The following STIMATE variants were observed in gnomAD, a reference collection of about 807,000 sequenced individuals.
The protein encoded by STIMATE is STIM activating enhancer.
A neutral mutation model predicts 36.7 loss-of-function variants in STIMATE; 15 were observed. The observed-to-expected ratio is 0.41, with a 90% CI of 0.27 to 0.63. STIMATE has a LOEUF of 0.63. Among genes scored for constraint, STIMATE ranks in the 20% least tolerant of loss-of-function variants. STIMATE has a pLI of 0.32. For missense variants in STIMATE, 305 were observed against 397.3 expected, an observed-to-expected ratio of 0.77 and a Z score of 1.98; for synonymous variants, 163 against 162.3, an observed-to-expected ratio of 1.00 and a Z score of -0.03.
At chr3:52,870,436 A>G (rs1701382877) in intron 1 of STIMATE, among the ~76,000 whole-genome samples, 2 of 152,062 alleles carry the variant, frequency 1.3e-5, no homozygotes, top group Admixed American at 6.6e-5. Flanking sequence ...AGAGATATCA[A>G]GCTACCCCAG....
intron 1 of STIMATE, among the ~76,000 whole-genome samples, chr3:52,869,038 T>G (rs1174665645): frequency 1.3e-5 from 2 of 148,604 alleles, no homozygotes; most frequent in African/African-American, 5.0e-5. Context: ...CCACCAAGAG[T>G]TGCATCTAAG....
At chr3:52,893,099 G>A (rs1379890435) in intron 1 of STIMATE, among the ~76,000 whole-genome samples, 1 of 151,280 alleles carries the variant, frequency 6.6e-6, no homozygotes. Context: ...TTCTAGAAAC[G>A]AAAGTGACTG....
intron 1 of STIMATE, among the ~76,000 whole-genome samples, chr3:52,884,403 G>C (rs980568335): frequency 6.6e-6 from 1 of 151,936 alleles, no homozygotes; most frequent in Non-Finnish European, 1.5e-5. Context: ...CCGCCACCAC[G>C]CCCGGCTAAT....
chr3:52,894,131 GTTTAAAGCGTTTCTT>G (rs1166321644), intron 1 of STIMATE, among the ~76,000 whole-genome samples: 1 of 152,186 alleles, frequency 6.6e-6, no homozygotes, highest in Non-Finnish European at 1.5e-5. Flanking sequence ...AAGCCCCCTC[GTTTAAAGCGTTTCTT>G]TCTATGCAGA....
intron 6 of STIMATE, chr3:52,843,254 G>A (rs11720228): frequency 0.09 from 40,599 of 452,574 alleles, 2,291 homozygotes; most frequent in Non-Finnish European, 0.11. Flanking sequence ...CTCTGGACAC[G>A]CGTTCCAGGC....
chr3:52,858,431 C>T (rs1014076576), intron 1 of STIMATE, among the ~76,000 whole-genome samples: 11 of 151,848 alleles, frequency 7.2e-5, no homozygotes, highest in Admixed American at 3.3e-4. Context: ...GAGACCAGCC[C>T]GGGCAACACC....
intron 1 of STIMATE, among the ~76,000 whole-genome samples, chr3:52,883,085 A>C (rs1701635553): frequency 6.6e-6 from 1 of 152,232 alleles, no homozygotes. Flanking sequence ...CAAAACTTAC[A>C]AAGGGGCCAA....
chr3:52,886,278 A>G (rs910658224), intron 1 of STIMATE, among the ~76,000 whole-genome samples: 2 of 152,170 alleles, frequency 1.3e-5, no homozygotes, highest in South Asian at 2.1e-4. Context: ...CAAGCAGCAC[A>G]TGTGTATGCT....
At position 52,842,887 on chromosome 3, in the gene STIMATE, C is replaced by T; in HGVS notation, c.692G>A (p.Gly231Glu). The T allele has an allele frequency of 6.2e-7, 1 of 1,614,246 alleles. No individual in the cohort carries two copies. Residue 231 changes from glycine (G) to glutamate (E), a missense_variant, in exon 7 of 8, where the codon GGA becomes GAA. This residue lies in a region of STIMATE where 164 missense variants were observed against 257.9 expected (regional missense o/e 0.64). Transcript: ENST00000355083. ...GKTKAKLEER[G>E]ANQDSRNGSK... ...CCCATTCCTCGAGTCCTGGTTGGCT[C>T]CCCTTTCTTCTAGCTTAGCTTTCGT...
chr3:52,845,085 G>A, intron 4 of STIMATE, 144 bp from the exon 5 acceptor site: 1 of 634,180 alleles, frequency 1.6e-6, no homozygotes, highest in Non-Finnish European at 2.5e-6. Flanking sequence ...AAAGTCCAAA[G>A]GATTACCTCA....
chr3:52,854,379 G>A (rs1432968156), intron 2 of STIMATE, among the ~76,000 whole-genome samples: 2 of 152,222 alleles, frequency 1.3e-5, no homozygotes, highest in African/African-American at 4.8e-5. Context: ...CCTCCAGGGA[G>A]AAGGGAGGGG....
rs779393420 is a variant in STIMATE at position 52,840,605 on chromosome 3, C to A, written c.774G>T (p.Leu258=). The part of the protein sequence containing the change: ...ASHEESESEI[L]ISADDEMEES... ...CCTCCATCTCATCATCCGCTGAGAT[C>A]AGGATCTGAGGCAGTAGAGAGGCAG... Residue 258 remains leucine (L), a synonymous_variant, in exon 8 of 8, where the codon CTG becomes CTT. Transcript: ENST00000355083. 5.4e-5 allele frequency: 87 copies of A among 1,613,298 alleles called. No individual in the cohort carries two copies. The highest frequency in any genetic ancestry group is 8.0e-5 in the African/African-American group (6 of 74,892).
At chr3:52,882,653 C>T (rs926064016) in intron 1 of STIMATE, among the ~76,000 whole-genome samples, 5 of 152,264 alleles carry the variant, frequency 3.3e-5, no homozygotes, top group African/African-American at 7.2e-5. Flanking sequence ...CTGTCCACCC[C>T]GAAAGGAAAT....
intron 1 of STIMATE, chr3:52,896,075 G>A: frequency 1.9e-6 from 1 of 537,824 alleles, no homozygotes; most frequent in Non-Finnish European, 3.3e-6. Context: ...TCAAGGACAG[G>A]CCACCAGAAG....
rs1575350665 is a variant in STIMATE, at chr3:52,888,010, T to G, written c.160+9281A>C. The stretch of plus-strand genomic sequence containing the variant: ...ACAGAATCAGTTTTTTTTTTTTTTT[T>G]TTTTTTTTTTTGCCAGTAATTGATG... On this transcript the variant is annotated intron_variant, in intron 1 of 7. Transcript: ENST00000355083. Among the ~76,000 whole-genome samples, 3 of 142,102 alleles carry G rather than the reference T, an allele frequency of 2.1e-5. 1 individual carries two copies. The highest frequency in any genetic ancestry group is 4.8e-4 in the South Asian group (2 of 4,164). 93.2% of individuals were successfully genotyped at this position (142,102 alleles called of 152,430 possible).
intron 1 of STIMATE, among the ~76,000 whole-genome samples, chr3:52,884,934 G>A (rs992034650): frequency 1.3e-5 from 2 of 152,212 alleles, no homozygotes; most frequent in Admixed American, 6.5e-5. Flanking sequence ...AAATCTCGAG[G>A]GGTGAAACTG....
intron 7 of STIMATE, among the ~76,000 whole-genome samples, chr3:52,841,995 G>A (rs1009064246): frequency 1.3e-5 from 2 of 152,202 alleles, no homozygotes; most frequent in African/African-American, 4.8e-5. Flanking sequence ...CTATCTATTC[G>A]TCTTCTGAAA....
At position 52,887,994 on chromosome 3, in the gene STIMATE, GTTTTTTTTTTTTT is replaced by G. The variant is rs71087029; in HGVS notation, c.160+9284_160+9296del. Among the ~76,000 whole-genome samples the G allele has an allele frequency of 2.5e-4, 13 of 52,694 alleles. No homozygotes were observed. In the East Asian group the frequency reaches 5.4e-3, roughly 22 times the overall value. The allele number at this position is 52,694 out of a possible 152,430, so 34.6% of individuals were successfully genotyped here. A position where few individuals can be genotyped will look rare whatever the true frequency, so the allele number is the denominator to read the frequency against. Reference sequence around the variant, plus strand: ...GCTCTAACTTCATATAACAGAATCAGTTTTTTTTTTTTTTTTTTTTTTTTTTTGCCAGTAATTG... The same window carrying G: ...GCTCTAACTTCATATAACAGAATCAGTTTTTTTTTTTTTTGCCAGTAATTG... On this transcript the variant is annotated intron_variant, in intron 1 of 7. Coordinates refer to ENST00000355083, the MANE Select transcript of STIMATE (RefSeq NM_198563.5).
At chr3:52,874,914 C>T (rs763116803) in intron 1 of STIMATE, among the ~76,000 whole-genome samples, 3 of 152,166 alleles carry the variant, frequency 2.0e-5, no homozygotes, top group Non-Finnish European at 2.9e-5. Context: ...GACTAAATTA[C>T]AATTTTGCAC....
Sources: allele counts gnomAD v4.1 joint callset (sites outside exome capture counted in the v4.1 genomes callset), GRCh38; gene constraint gnomAD v4.1.1; regional missense constraint gnomAD v4.1.1; transcripts MANE v1.5; gene names NCBI Gene and HGNC (gene_info 2026-07-23, HGNC 2026-07-21).